Variants in ANP32A observed in about 807,000 individuals in gnomAD.
ANP32A encodes acidic leucine-rich nuclear phosphoprotein 32 family member A.
In ANP32A, 1 loss-of-function variant was observed where a neutral mutation model predicts 33.9. That is an observed-to-expected ratio of 0.03 (90% CI 0.01 to 0.14). The LOEUF (loss-of-function observed/expected upper bound fraction) is 0.14, where lower values mean the gene tolerates loss of function less well. Ranked by LOEUF, ANP32A falls within the 10% of genes least tolerant of loss-of-function variation. ANP32A has a pLI of 1.00. For missense variants in ANP32A, 155 were observed against 306.0 expected (o/e 0.51, Z 3.68); for synonymous variants, 115 against 120.5 (o/e 0.95, Z 0.30).
Position 68,818,340 on chromosome 15 carries a change from G to A in ANP32A, c.54+2358C>T, listed in dbSNP as rs2958375. Reference sequence around the variant, plus strand: ...AAGGTGGGTGTGTGGGGGGCCCAGGGGCAGCGCGGCGGGGAGGGGCGCAGG... The same window carrying A: ...AAGGTGGGTGTGTGGGGGGCCCAGGAGCAGCGCGGCGGGGAGGGGCGCAGG... On this transcript the variant is annotated intron_variant, in intron 1 of 6. Transcript: ENST00000465139. 1,046 of 197,172 alleles carry A rather than the reference G, an allele frequency of 5.3e-3. 16 individuals are homozygous for A. The highest frequency in any genetic ancestry group is 0.024 in the African/African-American group (998 of 41,950). The allele number at this position is 197,172 out of a possible 1,614,324, so 12.2% of individuals were successfully genotyped here. A position where few individuals can be genotyped will look rare whatever the true frequency, so the allele number is the denominator to read the frequency against.
Position 68,787,429 on chromosome 15 carries a change from C to T in ANP32A, c.311G>A (p.Ser104Asn). 2 of 1,614,196 alleles carry T rather than the reference C, an allele frequency of 1.2e-6. No homozygotes were observed. The highest frequency in any genetic ancestry group is 1.7e-6 in the Non-Finnish European group (2 of 1,180,018). Residue 104 changes from serine to asparagine, a missense_variant, in exon 3 of 7, where the codon AGC becomes AAC. Ser to Asn is a conservative substitution (Grantham distance 46). Transcript: ENST00000465139. ...ATGACTTACCAGTGGCTCTATTGTG[C>T]TGAGGTCTTTAATTTTGTTGCCACT... ...NLSGNKIKDL[S>N]TIEPLKKLEN...
chr15:68,818,453 C>T (rs2140377422), intron 1 of ANP32A: 1 of 154,266 alleles, frequency 6.5e-6, no homozygotes, highest in African/African-American at 2.4e-5. Context: ...CTTTCGCTAG[C>T]TTTCTCCCCC....
At chr15:68,811,719 A>C (rs1894314289) in intron 1 of ANP32A, among the ~76,000 whole-genome samples, 1 of 152,162 alleles carries the variant, frequency 6.6e-6, no homozygotes, top group South Asian at 2.1e-4. Flanking sequence ...TTTTGTATGT[A>C]ATGTGTCTGC....
chr15:68,788,976 T>C (rs546228148), intron 1 of ANP32A, among the ~76,000 whole-genome samples: 8 of 152,268 alleles, frequency 5.3e-5, no homozygotes, highest in Non-Finnish European at 2.9e-5. Context: ...ATGAAGAAGG[T>C]AGAAAGACAG....
intron 1 of ANP32A, among the ~76,000 whole-genome samples, chr15:68,804,998 G>C (rs1894196385): frequency 6.6e-6 from 1 of 152,164 alleles, no homozygotes. Context: ...GCTCAGTCTG[G>C]TCCTTGGGAG....
At chr15:68,819,760 G>A (rs2140378332) in intron 1 of ANP32A, among the ~76,000 whole-genome samples, 1 of 152,338 alleles carries the variant, frequency 6.6e-6, no homozygotes, top group African/African-American at 2.4e-5. Flanking sequence ...CCGGGACGTA[G>A]CCTTTGGGCA....
Position 68,779,090 on chromosome 15 carries a change from A to G in ANP32A, c.*991T>C, listed in dbSNP as rs573371120. On this transcript the variant is annotated 3_prime_UTR_variant, in exon 7 of 7. Coordinates refer to ENST00000465139, the MANE Select transcript of ANP32A (RefSeq NM_006305.4). Reference sequence around the variant, plus strand: ...GAGGGACACGAAAGCAAACCTGTACATTCACTAGGAATTTGCAGTCATTTC... The same window carrying G: ...GAGGGACACGAAAGCAAACCTGTACGTTCACTAGGAATTTGCAGTCATTTC... 3 of 152,242 alleles carry G rather than the reference A, an allele frequency of 2.0e-5. No individual in the cohort carries two copies. Among genetic ancestry groups the G allele is most frequent in the East Asian group, 3.9e-4 (2 of 5,184 alleles). 9.4% of individuals were successfully genotyped at this position (152,242 alleles called of 1,614,324 possible).
At chr15:68,800,007 T>C (rs533667250) in intron 1 of ANP32A, among the ~76,000 whole-genome samples, 2 of 152,350 alleles carry the variant, frequency 1.3e-5, no homozygotes, top group African/African-American at 4.8e-5. Context: ...TCATTATGGC[T>C]GTCTCACAAA....
intron 1 of ANP32A, chr15:68,791,127 T>G (rs1022580121): frequency 1.3e-5 from 2 of 152,332 alleles, no homozygotes; most frequent in Non-Finnish European, 2.9e-5. Flanking sequence ...GAGGAAGGAA[T>G]GCTACACAGA....
rs146113337 is a variant in ANP32A at position 68,795,191 on chromosome 15, A to G, written c.55-7272T>C. On this transcript the variant is annotated intron_variant, in intron 1 of 6. Transcript: ENST00000465139. ...CAGGAGGCTATTCTGCAGCCTCAAC[A>G]GTAGTAGACCCAGATCTCCACACCT... Among the ~76,000 whole-genome samples, 1,208 of 151,914 alleles carry G rather than the reference A, an allele frequency of 8.0e-3. 26 individuals carry two copies. The highest frequency in any genetic ancestry group is 0.028 in the African/African-American group (1,150 of 41,390).
chr15:68,804,514 T>C (rs1256798428), intron 1 of ANP32A, among the ~76,000 whole-genome samples: 1 of 152,264 alleles, frequency 6.6e-6, no homozygotes, highest in Non-Finnish European at 1.5e-5. Flanking sequence ...TTACTTTTTC[T>C]ATTTAGTACA....
At position 68,816,979 on chromosome 15, in the gene ANP32A, ACAT is replaced by A. The variant is rs546170256; in HGVS notation, c.54+3716_54+3718del. On this transcript the variant is annotated intron_variant, in intron 1 of 6. Coordinates refer to ENST00000465139, the MANE Select transcript of ANP32A (RefSeq NM_006305.4). ...ATTAGGCAGTAAGTCAGCCTGGAAA[ACAT>A]CATGCGATGTATTCCAAAGGTCAAA... Among the ~76,000 whole-genome samples, 461 of 152,278 alleles carry A rather than the reference ACAT, an allele frequency of 3.0e-3. 6 individuals are homozygous for A. The highest frequency in any genetic ancestry group is 0.011 in the African/African-American group (447 of 41,556).
At chr15:68,783,190 C>A in intron 4 of ANP32A, 137 bp from the exon 5 acceptor site, 2 of 1,324,256 alleles carry the variant, frequency 1.5e-6, no homozygotes, top group Non-Finnish European at 1.0e-6. Context: ...AAAGATGGAA[C>A]ACACTAACTC....
intron 3 of ANP32A, 116 bp from the exon 4 acceptor site, chr15:68,784,711 G>T: frequency 8.3e-7 from 1 of 1,203,232 alleles, no homozygotes; most frequent in Non-Finnish European, 1.2e-6. Context: ...ATGACTTCCA[G>T]GTGATAAGGA....
rs774976527 is a variant in ANP32A at position 68,780,444 on chromosome 15, C to T, written c.654G>A (p.Glu218=). Residue 218 remains glutamate (E), a synonymous_variant, in exon 6 of 7, where the codon GAG becomes GAA. Coordinates refer to ENST00000465139, the MANE Select transcript of ANP32A (RefSeq NM_006305.4). The surrounding 1 kb of genome is among the most constrained non-coding windows in gnomAD (Gnocchi z 4.3). ...CTTCTTCATCTTCCTCGTCATCTAC[C>T]TCTCCATCGTTATAACCTTCTTCAT... ...EEDEEGYNDG[E]VDDEEDEEEL... 1.7e-5 allele frequency: 28 copies of T among 1,613,878 alleles called. No individual in the cohort carries two copies. Among genetic ancestry groups the T allele is most frequent in the Non-Finnish European group, 2.4e-5 (28 of 1,179,910 alleles).
At chr15:68,807,430 G>GGGC (rs796740738) in intron 1 of ANP32A, among the ~76,000 whole-genome samples, 2 of 147,372 alleles carry the variant, frequency 1.4e-5, no homozygotes, top group South Asian at 2.2e-4. Flanking sequence ...CAGAAAACGG[G>GGGC]GGGGGGGGAG....
chr15:68,779,274 T>G lies in ANP32A; in HGVS notation c.*807A>C, dbSNP rs1238411213. 2 of 152,122 alleles carry G rather than the reference T, an allele frequency of 1.3e-5. No homozygotes were observed. The highest frequency in any genetic ancestry group is 3.9e-4 in the East Asian group (2 of 5,194). 9.4% of individuals were successfully genotyped at this position (152,122 alleles called of 1,614,324 possible). On this transcript the variant is annotated 3_prime_UTR_variant, in exon 7 of 7. Transcript: ENST00000465139. ...TACATGTGGAAGAATTCTCTCATCATTTTTTGTAAAACAAAGCGTTCTAAT... is the reference window on the plus strand; with the variant it reads ...TACATGTGGAAGAATTCTCTCATCAGTTTTTGTAAAACAAAGCGTTCTAAT...
chr15:68,783,311 C>T (rs1476302179), intron 4 of ANP32A, among the ~76,000 whole-genome samples: 2 of 152,156 alleles, frequency 1.3e-5, no homozygotes, highest in African/African-American at 4.8e-5. Flanking sequence ...CCTCTCACAC[C>T]GAGACCACCA....
At position 68,782,461 on chromosome 15, in the gene ANP32A, C is replaced by G. The variant is rs942484985; in HGVS notation, c.624+495G>C. 3.5e-4 allele frequency among the ~76,000 whole-genome samples: 54 copies of G among 152,188 alleles called. 2 individuals carry two copies. The highest frequency in any genetic ancestry group is 7.4e-5 in the Non-Finnish European group (5 of 68,024). On this transcript the variant is annotated intron_variant, in intron 5 of 6. Coordinates refer to ENST00000465139, the MANE Select transcript of ANP32A (RefSeq NM_006305.4). ...CCCCCTCACAGATCTTGTTAAAAAA[C>G]TGGGAACCAGCCAATCTCTTTAGGA...
Sources: gnomAD v4.1 joint callset for allele counts (sites outside exome capture counted in the v4.1 genomes callset) on GRCh38, gnomAD v4.1.1 for gene constraint, Gnocchi (gnomAD v3.1) non-coding constraint, MANE v1.5 for transcripts, NCBI Gene and HGNC (gene_info 2026-07-23, HGNC 2026-07-21) for gene names.